The following ITGA11 variants were observed in gnomAD, a reference collection of about 807,000 sequenced individuals.
The protein encoded by ITGA11 is integrin subunit alpha 11, also known as integrin alpha-11.
Under a neutral mutation model 141.9 loss-of-function variants are expected in ITGA11, and 97 were observed. The observed-to-expected ratio is 0.68, with a 90% CI of 0.58 to 0.81. The LOEUF (loss-of-function observed/expected upper bound fraction) is 0.81, where lower values mean the gene tolerates loss of function less well. ITGA11 is among the 30% of genes least tolerant of loss of function. The pLI is 0.00. For missense variants in ITGA11, 1,387 were observed against 1,559.2 expected, an observed-to-expected ratio of 0.89 and a Z score of 1.86; for synonymous variants, 658 against 624.6, an observed-to-expected ratio of 1.05 and a Z score of -0.80.
intron 26 of ITGA11, among the ~76,000 whole-genome samples, chr15:68,309,590 CTTTTTT>C: frequency 9.2e-6 from 1 of 108,752 alleles, no homozygotes; most frequent in East Asian, 2.3e-4. Context: ...CAATACAGTC[CTTTTTT>C]TTTTTTTTTT....
chr15:68,303,955 A>G lies in ITGA11; in HGVS notation c.3382-70T>C. Reference sequence around the variant, plus strand: ...GCTGGGGTGGCAGTCTGGGAGGGGCAGGAGGGTGGAGACAGCTGGCACCTG... The same window carrying G: ...GCTGGGGTGGCAGTCTGGGAGGGGCGGGAGGGTGGAGACAGCTGGCACCTG... On this transcript the variant is annotated intron_variant, in intron 28 of 29. Transcript: ENST00000315757. This position sits in a 1 kb window ranked among gnomAD's most constrained non-coding sequence, Gnocchi z 5.3. The G allele has an allele frequency of 1.1e-6, 1 of 937,550 alleles. No individual in the cohort carries two copies. The allele number at this position is 937,550 out of a possible 1,614,324, so 58.1% of individuals were successfully genotyped here.
chr15:68,313,762 C>T lies in ITGA11; in HGVS notation c.2882+17G>A. The T allele has an allele frequency of 1.2e-6, 2 of 1,610,508 alleles. No individual in the cohort carries two copies. The highest frequency in any genetic ancestry group is 1.7e-6 in the Non-Finnish European group (2 of 1,177,702). On this transcript the variant is annotated intron_variant, in intron 23 of 29. Coordinates refer to ENST00000315757, the MANE Select transcript of ITGA11 (RefSeq NM_001004439.2). ...CCCATGCCTTCCCTCTCCTGGGGCC[C>T]CCGGAGCCCGGCCCACCTGGTGAAG...
intron 1 of ITGA11, among the ~76,000 whole-genome samples, chr15:68,421,705 T>A (rs1429332670): frequency 2.6e-5 from 1 of 38,088 alleles, no homozygotes; most frequent in African/African-American, 7.7e-5. Flanking sequence ...CCAGCCTGGG[T>A]GGGGGGTGGG....
At chr15:68,352,779 C>G (rs1894954389) in intron 7 of ITGA11, among the ~76,000 whole-genome samples, 1 of 152,160 alleles carries the variant, frequency 6.6e-6, no homozygotes. Flanking sequence ...GGCAATCCAG[C>G]CCAGGAGACA....
At chr15:68,381,245 T>G (rs1191644004) in intron 2 of ITGA11, among the ~76,000 whole-genome samples, 1 of 152,192 alleles carries the variant, frequency 6.6e-6, no homozygotes, top group Non-Finnish European at 1.5e-5. Context: ...ATATCTGTAT[T>G]CTTTTTGACC....
chr15:68,407,767 A>T (rs1896682844), intron 1 of ITGA11, among the ~76,000 whole-genome samples: 1 of 152,226 alleles, frequency 6.6e-6, no homozygotes, highest in African/African-American at 2.4e-5. Flanking sequence ...AGTCTCAAGA[A>T]GGGACGGAAA....
intron 3 of ITGA11, 61 bp downstream of exon 3, chr15:68,369,123 A>G (rs1296035519): frequency 3.3e-6 from 4 of 1,214,508 alleles, no homozygotes; most frequent in Non-Finnish European, 4.9e-6. Context: ...CGTGCATCAG[A>G]GCCTGCCTTG....
Position 68,334,328 on chromosome 15 carries a change from G to C in ITGA11, c.1425+1369C>G, listed in dbSNP as rs1382546494. Among the ~76,000 whole-genome samples, 4 of 152,330 alleles carry C rather than the reference G, an allele frequency of 2.6e-5. No homozygotes were observed. In the South Asian group the frequency reaches 8.3e-4, roughly 32 times the overall value. On this transcript the variant is annotated intron_variant, in intron 12 of 29. Transcript: ENST00000315757. ...GTGAGCCCCATGCTGCTAGGAGAGA[G>C]AGTCATCCTCATTTTCAAGGGAAGG...
At chr15:68,348,076 G>A (rs2140327118) in intron 10 of ITGA11, among the ~76,000 whole-genome samples, 1 of 152,342 alleles carries the variant, frequency 6.6e-6, no homozygotes, top group Non-Finnish European at 1.5e-5. Flanking sequence ...AGTACATTAA[G>A]CATATTCACA....
At chr15:68,390,926 C>T (rs891947391) in intron 2 of ITGA11, among the ~76,000 whole-genome samples, 14 of 152,222 alleles carry the variant, frequency 9.2e-5, no homozygotes, top group African/African-American at 2.9e-4. Context: ...TGGCACAGAG[C>T]TGAATCAATA....
At chr15:68,400,682 AATATT>A (rs1286203055) in intron 2 of ITGA11, among the ~76,000 whole-genome samples, 4 of 51,808 alleles carry the variant, frequency 7.7e-5, no homozygotes, top group South Asian at 4.7e-4. Flanking sequence ...TTATATAATA[AATATT>A]ATATTATATA....
rs1218779747 is a variant in ITGA11 at position 68,303,822 on chromosome 15, T to A, written c.3445A>T (p.Thr1149Ser). 1.2e-6 allele frequency: 2 copies of A among 1,612,932 alleles called. No individual in the cohort carries two copies. The highest frequency in any genetic ancestry group is 1.7e-6 in the Non-Finnish European group (2 of 1,179,428). Reference sequence around the variant, plus strand: ...GCCAGCAGTAGGAGGCCCCCCAGGGTGCTGCCTACAATGATCCAGATGGGG... The same window carrying A: ...GCCAGCAGTAGGAGGCCCCCCAGGGAGCTGCCTACAATGATCCAGATGGGG... ...QVPIWIIVGS[T>S]LGGLLLLALL... Residue 1149 changes from threonine to serine, a missense_variant, in exon 29 of 30, where the codon ACC becomes TCC. By Grantham distance (58) the Thr-to-Ser change is moderately conservative. Transcript: ENST00000315757. This position sits in a 1 kb window ranked among gnomAD's most constrained non-coding sequence, Gnocchi z 5.3.
intron 1 of ITGA11, among the ~76,000 whole-genome samples, chr15:68,419,533 C>T (rs930185449): frequency 2.0e-5 from 3 of 152,308 alleles, no homozygotes; most frequent in East Asian, 3.9e-4. Flanking sequence ...GGGCCAACCC[C>T]GTACTGAGTG....
rs931165313 is a variant in ITGA11 at position 68,322,320 on chromosome 15, G to A, written c.2323-817C>T. ...CATGCTGAAGGCTGCCCTGGCTGCT[G>A]TGGGAGAATGGAGTGAGAAGATGGA... On this transcript the variant is annotated intron_variant, in intron 18 of 29. Transcript: ENST00000315757. The surrounding 1 kb of genome is among the most constrained non-coding windows in gnomAD (Gnocchi z 5.6). Among the ~76,000 whole-genome samples the A allele has an allele frequency of 2.0e-5, 3 of 152,194 alleles. No homozygotes were observed. Among genetic ancestry groups the A allele is most frequent in the African/African-American group, 7.2e-5 (3 of 41,434 alleles).
At chr15:68,409,054 C>G (rs1248593014) in intron 1 of ITGA11, among the ~76,000 whole-genome samples, 1 of 152,224 alleles carries the variant, frequency 6.6e-6, no homozygotes, top group African/African-American at 2.4e-5. Flanking sequence ...CTCAATACAT[C>G]TTGGTTGAAT....
intron 2 of ITGA11, among the ~76,000 whole-genome samples, chr15:68,370,010 C>G (rs925067860): frequency 6.6e-6 from 1 of 152,152 alleles, no homozygotes; most frequent in Non-Finnish European, 1.5e-5. Context: ...CACGAGAAGA[C>G]AGAGGCAGAG....
intron 2 of ITGA11, among the ~76,000 whole-genome samples, chr15:68,379,067 TAC>T (rs1895797391): frequency 6.6e-6 from 1 of 152,210 alleles, no homozygotes; most frequent in Non-Finnish European, 1.5e-5. Context: ...TTGTGCCATT[TAC>T]AGTGTCTGAC....
intron 10 of ITGA11, among the ~76,000 whole-genome samples, chr15:68,341,304 CG>C (rs1219517971): frequency 1.3e-5 from 2 of 152,226 alleles, no homozygotes; most frequent in Non-Finnish European, 2.9e-5. Flanking sequence ...CTCATATATT[CG>C]CTGTCCACAA....
chr15:68,331,180 G>GC (rs1011656122), intron 14 of ITGA11, 69 bp from the exon 15 acceptor site: 6 of 1,432,444 alleles, frequency 4.2e-6, no homozygotes, highest in Non-Finnish European at 4.8e-6. Flanking sequence ...TCCCCGAGCA[G>GC]CAGGAACAAT....
Sources: gnomAD v4.1 joint callset for allele counts (sites outside exome capture counted in the v4.1 genomes callset) on GRCh38, gnomAD v4.1.1 for gene constraint, Gnocchi (gnomAD v3.1) non-coding constraint, MANE v1.5 for transcripts, NCBI Gene and HGNC (gene_info 2026-07-23, HGNC 2026-07-21) for gene names.